ZNF385D: variants seen among roughly 807,000 people sequenced by gnomAD.
ZNF385D encodes the protein zinc finger protein 659.
A neutral mutation model predicts 35.8 loss-of-function variants in ZNF385D; 15 were observed. The ratio of observed to expected loss-of-function variants is 0.42; its 90% confidence interval spans 0.28 to 0.64. The LOEUF (loss-of-function observed/expected upper bound fraction) is 0.64, where lower values mean the gene tolerates loss of function less well. Ranked by LOEUF, ZNF385D falls within the 30% of genes least tolerant of loss-of-function variation. The pLI, the probability that ZNF385D is intolerant of heterozygous loss-of-function variation, is 0.23. For synonymous variants in ZNF385D, 212 were observed against 186.8 expected, an observed-to-expected ratio of 1.13 and a Z score of -1.10; for missense variants, 474 against 494.6, an observed-to-expected ratio of 0.96 and a Z score of 0.39.
At chr3:22,305,563 G>A (rs1005115486) in intron 2 of ZNF385D, among the ~76,000 whole-genome samples, 1 of 152,088 alleles carries the variant, frequency 6.6e-6, no homozygotes, top group Non-Finnish European at 1.5e-5. Flanking sequence ...ACCTCCTGGA[G>A]CATCATCATT....
chr3:22,041,978 T>G lies in ZNF385D; in HGVS notation c.325+126839A>C, dbSNP rs199788781. On this transcript the variant is annotated intron_variant, in intron 3 of 5. Transcript: ENST00000494108. ...GCTGAATTAAGACCAGTATAAACTT[T>G]TAGCAGTATTTTATTGCCTTACAAA... 5.3e-5 allele frequency among the ~76,000 whole-genome samples: 8 copies of G among 152,318 alleles called. No individual in the cohort carries two copies. In the East Asian group the frequency reaches 1.4e-3, roughly 26 times the overall value.
intron 3 of ZNF385D, among the ~76,000 whole-genome samples, chr3:21,906,022 G>C (rs1480784438): frequency 6.6e-6 from 1 of 152,122 alleles, no homozygotes; most frequent in Non-Finnish European, 1.5e-5. Context: ...CCCATAAAAA[G>C]GAAGCAGTGC....
intron 2 of ZNF385D, among the ~76,000 whole-genome samples, chr3:22,309,414 A>T (rs1703412733): frequency 6.6e-6 from 1 of 152,130 alleles, no homozygotes; most frequent in East Asian, 1.9e-4. Flanking sequence ...TTAAGAAGGC[A>T]TGACCTTGTC....
chr3:22,012,333 G>C (rs757210757), intron 3 of ZNF385D, among the ~76,000 whole-genome samples: 37 of 152,232 alleles, frequency 2.4e-4, no homozygotes, highest in Middle Eastern at 6.8e-3. Flanking sequence ...AAGATAAAAT[G>C]TTTGGTCGAT....
chr3:21,950,480 ATCT>A (rs1378221462), intron 3 of ZNF385D, among the ~76,000 whole-genome samples: 3 of 151,718 alleles, frequency 2.0e-5, no homozygotes, highest in Non-Finnish European at 4.4e-5. Context: ...GATTGCAAAA[ATCT>A]TCTCCCATTC....
intron 2 of ZNF385D, among the ~76,000 whole-genome samples, chr3:22,315,845 A>T (rs972512984): frequency 2.6e-5 from 4 of 152,056 alleles, no homozygotes; most frequent in African/African-American, 9.7e-5. Flanking sequence ...TTGTTCAGAG[A>T]CTGAATCTGC....
intron 3 of ZNF385D, among the ~76,000 whole-genome samples, chr3:21,530,436 C>T (rs908440892): frequency 6.6e-6 from 1 of 152,110 alleles, no homozygotes; most frequent in African/African-American, 2.4e-5. Flanking sequence ...CTTACTATAT[C>T]ACATTAGAAC....
In ZNF385D at chr3:21,770,785, C is replaced by T. The variant is rs143520436; in HGVS notation, c.326-105757G>A. 3.6e-3 allele frequency among the ~76,000 whole-genome samples: 546 copies of T among 152,252 alleles called. 1 individual carries two copies. Among genetic ancestry groups the T allele is most frequent in the African/African-American group, 0.013 (525 of 41,544 alleles). On this transcript the variant is annotated intron_variant, in intron 3 of 5. Coordinates refer to the ZNF385D transcript ENST00000494108. ...AATCATGCTGCTATAAAGACACATG[C>T]ACACGTATGTTTATTGCGGTACTAC...
chr3:22,237,847 T>A (rs2125308727), intron 2 of ZNF385D, among the ~76,000 whole-genome samples: 1 of 151,500 alleles, frequency 6.6e-6, no homozygotes, highest in East Asian at 2.0e-4. Flanking sequence ...TTTCACCACA[T>A]TCGCCATGAT....
intron 2 of ZNF385D, among the ~76,000 whole-genome samples, chr3:22,309,816 C>T (rs1226623354): frequency 6.6e-6 from 1 of 151,928 alleles, no homozygotes; most frequent in Non-Finnish European, 1.5e-5. Context: ...TAAGTATTTT[C>T]ACATTCAGAT....
At chr3:21,979,200 T>G (rs561626759) in intron 3 of ZNF385D, among the ~76,000 whole-genome samples, 1 of 151,992 alleles carries the variant, frequency 6.6e-6, no homozygotes, top group Non-Finnish European at 1.5e-5. Flanking sequence ...AAGGAGGATA[T>G]GGGGGACCAT....
chr3:22,197,744 C>G (rs935993900), intron 2 of ZNF385D, among the ~76,000 whole-genome samples: 1 of 152,120 alleles, frequency 6.6e-6, no homozygotes, highest in Non-Finnish European at 1.5e-5. Context: ...TGTTCAGATT[C>G]TGGGACTCAT....
At chr3:21,998,853 C>T (rs1437261942) in intron 3 of ZNF385D, among the ~76,000 whole-genome samples, 1 of 152,162 alleles carries the variant, frequency 6.6e-6, no homozygotes, top group Non-Finnish European at 1.5e-5. Context: ...CACATAGACA[C>T]AGACACACAC....
At chr3:21,794,082 C>T (rs1027527684) in intron 3 of ZNF385D, among the ~76,000 whole-genome samples, 4 of 152,138 alleles carry the variant, frequency 2.6e-5, no homozygotes, top group Admixed American at 2.6e-4. Context: ...TAAAAAACTA[C>T]TGCTGACAGT....
intron 3 of ZNF385D, among the ~76,000 whole-genome samples, chr3:21,562,419 G>C (rs569585402): frequency 2.6e-5 from 4 of 152,158 alleles, no homozygotes; most frequent in East Asian, 1.9e-4. Flanking sequence ...TCTGGAAATG[G>C]TAAGTGACTC....
intron 3 of ZNF385D, among the ~76,000 whole-genome samples, chr3:21,834,548 T>G (rs1480842681): frequency 6.6e-6 from 1 of 152,172 alleles, no homozygotes; most frequent in South Asian, 2.1e-4. Flanking sequence ...CATTGACCTG[T>G]TGAATTAAAT....
At chr3:22,252,085 G>A (rs1287454915) in intron 2 of ZNF385D, among the ~76,000 whole-genome samples, 1 of 151,986 alleles carries the variant, frequency 6.6e-6, no homozygotes, top group Non-Finnish European at 1.5e-5. Flanking sequence ...AGGGAGAGAG[G>A]GAGGATGACA....
chr3:21,689,470 G>C (rs909436731), intron 1 of ZNF385D, among the ~76,000 whole-genome samples: 1 of 152,156 alleles, frequency 6.6e-6, no homozygotes, highest in African/African-American at 2.4e-5. Context: ...CTTGAAAAGG[G>C]TGGACTTGAG....
intron 2 of ZNF385D, among the ~76,000 whole-genome samples, chr3:21,634,410 G>A (rs1472269133): frequency 6.6e-6 from 1 of 151,350 alleles, no homozygotes; most frequent in East Asian, 2.0e-4. Context: ...AAAGGGAAAG[G>A]GAACAATGGC....
Sources: allele counts gnomAD v4.1 joint callset (sites outside exome capture counted in the v4.1 genomes callset), GRCh38; gene constraint gnomAD v4.1.1; transcripts MANE v1.5; gene names NCBI Gene and HGNC (gene_info 2026-07-23, HGNC 2026-07-21).